The following COL11A1 variants were observed in gnomAD, a reference collection of about 807,000 sequenced individuals.
COL11A1 encodes the protein collagen type XI alpha 1 chain, also known as collagen alpha-1(XI) chain.
A neutral mutation model predicts 265.2 loss-of-function variants in COL11A1; 74 were observed. That is an observed-to-expected ratio of 0.28 (90% confidence interval 0.23 to 0.34). COL11A1 has a LOEUF of 0.34. COL11A1 is among the 10% of genes least tolerant of loss of function. The pLI is 1.00. For missense variants in COL11A1, 2,165 were observed against 2,263.6 expected, an observed-to-expected ratio of 0.96 and a Z score of 0.88; for synonymous variants, 816 against 727.6, an observed-to-expected ratio of 1.12 and a Z score of -1.96.
At chr1:102,914,470 T>C in intron 51 of COL11A1, 65 bp from the exon 52 acceptor site, 2 of 1,438,100 alleles carry the variant, frequency 1.4e-6, no homozygotes, top group Non-Finnish European at 1.9e-6. Flanking sequence ...ATTATGACAT[T>C]CTGGAGGTGA....
At chr1:103,058,605 C>G (rs1009947166) in intron 4 of COL11A1, among the ~76,000 whole-genome samples, 1 of 152,050 alleles carries the variant, frequency 6.6e-6, no homozygotes, top group Non-Finnish European at 1.5e-5. Flanking sequence ...CTCTTCCTTT[C>G]CCTTGAACAC....
intron 1 of COL11A1, among the ~76,000 whole-genome samples, chr1:103,096,243 C>T (rs115367365): frequency 0.012 from 1,856 of 152,090 alleles, 43 homozygotes; most frequent in African/African-American, 0.043. Flanking sequence ...GAGGAAGTAA[C>T]TGCAATTTTC....
chr1:102,983,695 G>T (rs1445223192), intron 31 of COL11A1, among the ~76,000 whole-genome samples: 1 of 151,962 alleles, frequency 6.6e-6, no homozygotes, highest in African/African-American at 2.4e-5. Context: ...TAATACGTTT[G>T]TGGAGATTTG....
intron 31 of COL11A1, chr1:102,979,648 T>G: frequency 3.1e-6 from 2 of 639,274 alleles, no homozygotes; most frequent in Non-Finnish European, 5.7e-6. Flanking sequence ...ATAAAACATT[T>G]TAGTTTTTAA....
chr1:103,025,119 C>G (rs1391952486), intron 7 of COL11A1, among the ~76,000 whole-genome samples: 1 of 152,102 alleles, frequency 6.6e-6, no homozygotes, highest in Non-Finnish European at 1.5e-5. Flanking sequence ...CATGATTATT[C>G]ATCAGAGGGA....
intron 17 of COL11A1, 55 bp from the exon 18 acceptor site, chr1:103,005,946 G>T: frequency 1.2e-6 from 2 of 1,612,294 alleles, no homozygotes; most frequent in Non-Finnish European, 1.7e-6. Flanking sequence ...TTCCAGTCTA[G>T]ATATGTACTG....
chr1:102,889,410 T>TGTGTGTGTG (rs71094579), intron 59 of COL11A1, 45 bp downstream of exon 59: 4 of 1,195,332 alleles, frequency 3.3e-6, no homozygotes, highest in Admixed American at 1.7e-5. Context: ...TGTGTGTGTG[T>TGTGTGTGTG]ATTATTGGAA....
intron 1 of COL11A1, among the ~76,000 whole-genome samples, chr1:103,098,858 T>A (rs928805345): frequency 6.6e-6 from 1 of 151,360 alleles, no homozygotes; most frequent in Non-Finnish European, 1.5e-5. Context: ...AGTGGGAGAG[T>A]GCTTAGGGTA....
intron 3 of COL11A1, among the ~76,000 whole-genome samples, chr1:103,076,164 T>C (rs888201202): frequency 3.6e-4 from 55 of 152,158 alleles, no homozygotes; most frequent in African/African-American, 1.2e-3. Context: ...CAAATTAACA[T>C]TTAGCCTTAG....
intron 5 of COL11A1, among the ~76,000 whole-genome samples, chr1:103,027,541 A>T (rs532978662): frequency 6.6e-6 from 1 of 150,500 alleles, no homozygotes; most frequent in Non-Finnish European, 1.5e-5. Flanking sequence ...TCCAGGGGCA[A>T]TCTACACATA....
At chr1:103,010,044 A>G (rs1665968217) in intron 14 of COL11A1, among the ~76,000 whole-genome samples, 1 of 152,192 alleles carries the variant, frequency 6.6e-6, no homozygotes, top group South Asian at 2.1e-4. Flanking sequence ...CTTTTGCTCC[A>G]ACATTTATTC....
At chr1:103,002,045 C>T in intron 23 of COL11A1, 76 bp from the exon 24 acceptor site, 1 of 1,197,604 alleles carries the variant, frequency 8.4e-7, no homozygotes, top group East Asian at 2.3e-5. Flanking sequence ...AAATTATTAG[C>T]TCACTATAGT....
intron 44 of COL11A1, among the ~76,000 whole-genome samples, chr1:102,936,216 T>C (rs1658126132): frequency 6.6e-6 from 1 of 150,594 alleles, no homozygotes; most frequent in African/African-American, 2.4e-5. Flanking sequence ...GTTTGCCTCA[T>C]ACTGAAGTAC....
chr1:102,888,775 C>T lies in COL11A1; in HGVS notation c.4519-17G>A, dbSNP rs1651350005. On this transcript the variant is annotated splice_polypyrimidine_tract_variant and intron_variant, in intron 60 of 66. Transcript: ENST00000370096. ...TTGAGGACCCTACAAAATGCAAATG[C>T]AAAAGCACAGATAAAAATCTGGAGC... 6.2e-7 allele frequency: 1 copy of T among 1,613,714 alleles called. No individual in the cohort carries two copies. The highest frequency in any genetic ancestry group is 1.3e-5 in the African/African-American group (1 of 74,902).
chr1:103,086,085 A>G (rs1257562734), intron 1 of COL11A1, among the ~76,000 whole-genome samples: 2 of 152,220 alleles, frequency 1.3e-5, no homozygotes, highest in African/African-American at 4.8e-5. Flanking sequence ...TAATATGTTT[A>G]TGTTATTTGG....
chr1:103,031,125 C>T lies in COL11A1; in HGVS notation c.771G>A (p.Gln257=), dbSNP rs375246473. Residue 257 remains glutamine, a synonymous_variant, in exon 5 of 67, where the codon CAG becomes CAA. Transcript: ENST00000370096. ...APKAAQAQEP[Q]IDEYAPEDII... ...GTCTTGTGCTCCTCACCTCATCTAT[C>T]TGAGGTTCCTGAGCTTGAGCAGCCT... The T allele has an allele frequency of 2.2e-5, 36 of 1,613,338 alleles. 2 individuals are homozygous for T. In the African/African-American group the frequency reaches 2.8e-4, roughly 13 times the overall value.
chr1:102,959,362 A>C (rs1240375416), intron 41 of COL11A1, among the ~76,000 whole-genome samples: 1 of 152,094 alleles, frequency 6.6e-6, no homozygotes, highest in Non-Finnish European at 1.5e-5. Flanking sequence ...TTGGGCAAAA[A>C]CAGATACTAA....
At chr1:103,008,439 A>G (rs1665825204) in intron 15 of COL11A1, 24 bp downstream of exon 15, 2 of 1,607,804 alleles carry the variant, frequency 1.2e-6, no homozygotes, top group African/African-American at 2.7e-5. Flanking sequence ...GTCAAGAATA[A>G]AAAGTCAAAT....
At position 103,082,864 on chromosome 1, in the gene COL11A1, G is replaced by A; in HGVS notation, c.215C>T (p.Thr72Ile). 2.5e-6 allele frequency: 4 copies of A among 1,613,692 alleles called. No homozygotes were observed. The highest frequency in any genetic ancestry group is 3.4e-6 in the Non-Finnish European group (4 of 1,179,702). The part of the protein sequence containing the change: ...TNRKNSKGSD[T>I]AYRVSKQAQL... ...TGCTTGCTTTGAAACTCTGTAAGCA[G>A]TATCTGAGCCTTTAGAATTCTTTCT... is the stretch of plus-strand genomic sequence containing the variant. Residue 72 changes from threonine to isoleucine, a missense_variant, in exon 2 of 67, where the codon ACT becomes ATT. By Grantham distance (89) the Thr-to-Ile change is moderately conservative (BLOSUM62 -1). Transcript: ENST00000370096.
Sources: allele counts gnomAD v4.1 joint callset (sites outside exome capture counted in the v4.1 genomes callset), GRCh38; gene constraint gnomAD v4.1.1; transcripts MANE v1.5; gene names NCBI Gene and HGNC (gene_info 2026-07-23, HGNC 2026-07-21).